The following ZFPM2 variants were observed in gnomAD, a reference collection of about 807,000 sequenced individuals.
ZFPM2 encodes zinc finger protein ZFPM2.
In ZFPM2, 20 loss-of-function variants were observed where a neutral mutation model predicts 98.6. The ratio of observed to expected loss-of-function variants is 0.20; its 90% CI spans 0.14 to 0.29. ZFPM2 has a LOEUF of 0.29. ZFPM2 is among the 10% of genes least tolerant of loss of function. The probability of loss-of-function intolerance (pLI) is 1.00; values close to 1 mark genes in which losing one functional copy is unlikely to be tolerated. For synonymous variants in ZFPM2, 518 were observed against 502.7 expected, an observed-to-expected ratio of 1.03 and a Z score of -0.41; for missense variants, 1,310 against 1,388.6, an observed-to-expected ratio of 0.94 and a Z score of 0.90.
At chr8:105,700,198 A>T (rs1472828000) in intron 5 of ZFPM2, among the ~76,000 whole-genome samples, 1 of 152,200 alleles carries the variant, frequency 6.6e-6, no homozygotes, top group Admixed American at 6.5e-5. Context: ...TTCTGCCATA[A>T]TGCTACAGCA....
intron 3 of ZFPM2, chr8:105,529,106 A>C (rs1195746356): frequency 6.6e-6 from 1 of 152,062 alleles, no homozygotes; most frequent in Non-Finnish European, 1.5e-5. Flanking sequence ...GGCAGGGTTG[A>C]TTTATCCTGA....
chr8:105,580,035 C>A (rs2130739334), intron 4 of ZFPM2, among the ~76,000 whole-genome samples: 1 of 152,262 alleles, frequency 6.6e-6, no homozygotes, highest in Non-Finnish European at 1.5e-5. Flanking sequence ...TAAAATAGTT[C>A]TCTAGACCCA....
chr8:105,327,585 A>C (rs1436853705), intron 1 of ZFPM2, among the ~76,000 whole-genome samples: 3 of 151,734 alleles, frequency 2.0e-5, no homozygotes, highest in Non-Finnish European at 4.4e-5. Flanking sequence ...AATAGCTAAA[A>C]ATCATGTATT....
At position 105,785,248 on chromosome 8, in the gene ZFPM2, A is replaced by AC. The variant is rs1813378169; in HGVS notation, c.533-3466dup. ...TAAATTCACCAGAAGTCTGTCAGGT[A>AC]CCCCAAACTTTACATTTTCAAAACA... On this transcript the variant is annotated intron_variant, in intron 5 of 7. Coordinates refer to ENST00000407775, the MANE Select transcript of ZFPM2 (RefSeq NM_012082.4). 3 of 152,124 alleles carry AC rather than the reference A, an allele frequency of 2.0e-5. No homozygotes were observed. In the South Asian group the frequency reaches 6.2e-4, roughly 32 times the overall value. 9.4% of individuals were successfully genotyped at this position (152,124 alleles called of 1,614,324 possible).
intron 1 of ZFPM2, among the ~76,000 whole-genome samples, chr8:105,389,705 A>G (rs1240011738): frequency 2.6e-5 from 4 of 152,198 alleles, no homozygotes; most frequent in African/African-American, 7.2e-5. Context: ...ATGGTCATCA[A>G]TGCGAGGCTA....
At chr8:105,689,773 A>G (rs1362778433) in intron 5 of ZFPM2, among the ~76,000 whole-genome samples, 1 of 152,162 alleles carries the variant, frequency 6.6e-6, no homozygotes, top group Non-Finnish European at 1.5e-5. Context: ...TTTCATTTTT[A>G]TATTTCAGCA....
At position 105,583,721 on chromosome 8, in the gene ZFPM2, C is replaced by A. The variant is rs564212136; in HGVS notation, c.420+22240C>A. 3.9e-5 allele frequency among the ~76,000 whole-genome samples: 6 copies of A among 152,258 alleles called. No homozygotes were observed. In the East Asian group the frequency reaches 1.2e-3, roughly 29 times the overall value. Reference sequence around the variant, plus strand: ...CACACTTCTTTTGATGAAAGGTGGCCTCCCAGAGAGTTGAAGAATAAACAT... The same window carrying A: ...CACACTTCTTTTGATGAAAGGTGGCATCCCAGAGAGTTGAAGAATAAACAT... On this transcript the variant is annotated intron_variant, in intron 4 of 7. Transcript: ENST00000407775.
At chr8:105,380,843 ATAT>A (rs1200850792) in intron 1 of ZFPM2, among the ~76,000 whole-genome samples, 1 of 83,542 alleles carries the variant, frequency 1.2e-5, no homozygotes, top group Non-Finnish European at 2.0e-5. Context: ...TATGTTATAT[ATAT>A]TATAATATAT....
At chr8:105,504,981 A>G (rs1813669169) in intron 3 of ZFPM2, among the ~76,000 whole-genome samples, 1 of 152,158 alleles carries the variant, frequency 6.6e-6, no homozygotes, top group African/African-American at 2.4e-5. Flanking sequence ...TTTTTCTGAA[A>G]CAAACATATT....
At chr8:105,586,967 T>C (rs1431925105) in intron 4 of ZFPM2, among the ~76,000 whole-genome samples, 1 of 151,468 alleles carries the variant, frequency 6.6e-6, no homozygotes, top group African/African-American at 2.4e-5. Flanking sequence ...TTTTAAGCAT[T>C]GTATGCAGCA....
intron 5 of ZFPM2, among the ~76,000 whole-genome samples, chr8:105,673,188 T>G (rs1245734898): frequency 7.8e-5 from 1 of 12,744 alleles, no homozygotes; most frequent in East Asian, 7.1e-4. Flanking sequence ...AATAGCATGC[T>G]TTTTTTTTTT....
At chr8:105,587,154 G>A (rs916889544) in intron 4 of ZFPM2, among the ~76,000 whole-genome samples, 23 of 151,382 alleles carry the variant, frequency 1.5e-4, no homozygotes, top group African/African-American at 2.7e-4. Context: ...GCGGGCACCT[G>A]TAGTCCCAGC....
chr8:105,650,790 C>CT (rs1345249814), intron 5 of ZFPM2, among the ~76,000 whole-genome samples: 8 of 152,170 alleles, frequency 5.3e-5, no homozygotes, highest in Admixed American at 5.2e-4. Flanking sequence ...GAGTGCTTTA[C>CT]TTCCAACTAT....
chr8:105,393,500 G>T (rs1811160107), intron 1 of ZFPM2, among the ~76,000 whole-genome samples: 1 of 151,830 alleles, frequency 6.6e-6, no homozygotes, highest in Admixed American at 6.6e-5. Context: ...TACTCATTTA[G>T]TATCTACACA....
intron 3 of ZFPM2, among the ~76,000 whole-genome samples, chr8:105,503,478 C>T (rs1308055863): frequency 6.6e-6 from 1 of 151,994 alleles, no homozygotes; most frequent in Non-Finnish European, 1.5e-5. Context: ...GGAAAATAGT[C>T]TATGGAAAAA....
chr8:105,663,469 A>G (rs1817430785), intron 5 of ZFPM2, among the ~76,000 whole-genome samples: 2 of 152,216 alleles, frequency 1.3e-5, no homozygotes, highest in South Asian at 4.1e-4. Context: ...ATTGTTCCAC[A>G]TCCTGCATGT....
chr8:105,458,619 G>A (rs1351124256), intron 3 of ZFPM2, among the ~76,000 whole-genome samples: 3 of 152,018 alleles, frequency 2.0e-5, no homozygotes, highest in Non-Finnish European at 4.4e-5. Flanking sequence ...AAAAATGATC[G>A]AGTATCTGAA....
intron 3 of ZFPM2, chr8:105,451,525 C>G (rs918088269): frequency 6.6e-6 from 1 of 151,978 alleles, no homozygotes; most frequent in Non-Finnish European, 1.5e-5. Flanking sequence ...TAGGGTGGAC[C>G]CTTAATCCAG....
At chr8:105,474,098 G>A (rs1225949109) in intron 3 of ZFPM2, among the ~76,000 whole-genome samples, 1 of 152,214 alleles carries the variant, frequency 6.6e-6, no homozygotes. Flanking sequence ...CATTAACAAA[G>A]TGACTAAGCG....
Sources: gnomAD v4.1 joint callset for allele counts (sites outside exome capture counted in the v4.1 genomes callset) on GRCh38, gnomAD v4.1.1 for gene constraint, MANE v1.5 for transcripts, NCBI Gene and HGNC (gene_info 2026-07-23, HGNC 2026-07-21) for gene names.